NOD1: variants seen among roughly 807,000 people sequenced by gnomAD.
NOD1 encodes the protein nucleotide binding oligomerization domain containing 1.
In NOD1, 70 loss-of-function variants were observed where a neutral mutation model predicts 81.2. The ratio of observed to expected loss-of-function variants is 0.86; its 90% CI spans 0.71 to 1.05. NOD1 has a LOEUF of 1.05. Ranked by LOEUF, NOD1 falls within the 50% of genes least tolerant of loss-of-function variation. The probability of loss-of-function intolerance (pLI) is 0.00; values close to 1 mark genes in which losing one functional copy is unlikely to be tolerated. For synonymous variants in NOD1, 508 were observed against 526.9 expected, an observed-to-expected ratio of 0.96 and a Z score of 0.49; for missense variants, 1,233 against 1,228.0, an observed-to-expected ratio of 1.00 and a Z score of -0.06.
chr7:30,433,037 T>C (rs955188691), intron 12 of NOD1, 59 bp downstream of exon 12: 2 of 1,309,244 alleles, frequency 1.5e-6, no homozygotes, highest in Admixed American at 3.6e-5. Context: ...GTAAATTTTA[T>C]CTCAAAAAAT....
Position 30,456,979 on chromosome 7 carries a change from T to C in NOD1, c.-58A>G. The C allele has an allele frequency of 6.9e-7, 1 of 1,450,550 alleles. No homozygotes were observed. Among genetic ancestry groups the C allele is most frequent in the Non-Finnish European group, 9.7e-7 (1 of 1,032,652 alleles). 89.9% of individuals were successfully genotyped at this position (1,450,550 alleles called of 1,614,324 possible). ...TTCATCTTCAGCTGCGTGTGTCCTC[T>C]CAGCAGAAGGGCAATCAGGATTCAG... On this transcript the variant is annotated 5_prime_UTR_variant, in exon 4 of 14. Coordinates refer to ENST00000222823, the MANE Select transcript of NOD1 (RefSeq NM_006092.4).
intron 1 of NOD1, among the ~76,000 whole-genome samples, chr7:30,472,086 A>C (rs1473195275): frequency 6.6e-6 from 1 of 152,248 alleles, no homozygotes; most frequent in East Asian, 1.9e-4. Flanking sequence ...TATCTGAATA[A>C]ATAGAAGTGA....
intron 1 of NOD1, among the ~76,000 whole-genome samples, chr7:30,466,079 C>A (rs953373505): frequency 6.6e-6 from 1 of 152,162 alleles, no homozygotes; most frequent in African/African-American, 2.4e-5. Context: ...CAGGAAAAGG[C>A]CAGTGATTTT....
At chr7:30,450,108 C>T (rs1159304026) in intron 6 of NOD1, among the ~76,000 whole-genome samples, 3 of 152,120 alleles carry the variant, frequency 2.0e-5, no homozygotes, top group East Asian at 1.9e-4. Flanking sequence ...GCAAGAGAAT[C>T]GCTTGAACCC....
At chr7:30,446,450 G>A (rs1785095471) in intron 8 of NOD1, 2 of 552,968 alleles carry the variant, frequency 3.6e-6, no homozygotes, top group Non-Finnish European at 6.5e-6. Context: ...AGTCTCTGCA[G>A]AAGCTCAGGG....
At chr7:30,454,026 T>C (rs1583781462) in intron 5 of NOD1, among the ~76,000 whole-genome samples, 1 of 152,326 alleles carries the variant, frequency 6.6e-6, no homozygotes, top group Middle Eastern at 3.4e-3. Flanking sequence ...CTTTCTTTTT[T>C]TTTCATGGGG....
Position 30,467,069 on chromosome 7 carries a change from A to C in NOD1, c.-351-7028T>G, listed in dbSNP as rs921842180. 4.6e-5 allele frequency among the ~76,000 whole-genome samples: 7 copies of C among 152,184 alleles called. No individual in the cohort carries two copies. The highest frequency in any genetic ancestry group is 4.6e-4 in the Admixed American group (7 of 15,274). ...CCAGTGATGAAAAAGAACACGGTGG[A>C]GCTGCATGTACTGACATAGAAAGAG... On this transcript the variant is annotated intron_variant, in intron 1 of 13. Transcript: ENST00000222823. The surrounding 1 kb of genome is among the most constrained non-coding windows in gnomAD (Gnocchi z 4.5).
chr7:30,431,244 G>A (rs546798251), intron 12 of NOD1, among the ~76,000 whole-genome samples: 73 of 152,286 alleles, frequency 4.8e-4, no homozygotes, highest in South Asian at 4.1e-4. Flanking sequence ...AATTCTGCAG[G>A]CTAAAAAGGA....
At chr7:30,436,222 AGCTGCAGCAGTAGTGCCCAGGC>A (rs2128005376) in intron 10 of NOD1, 141 bp from the exon 11 acceptor site, 1 of 656,290 alleles carries the variant, frequency 1.5e-6, no homozygotes, top group East Asian at 2.7e-5. Flanking sequence ...AGAAGTGTTC[AGCTGCAGCAGTAGTGCCCAGGC>A]GCTGCTGCCC....
intron 1 of NOD1, among the ~76,000 whole-genome samples, chr7:30,476,267 A>G (rs912867935): frequency 2.6e-5 from 4 of 152,218 alleles, no homozygotes; most frequent in Non-Finnish European, 5.9e-5. Context: ...TCACACATAC[A>G]CTAGAAAAAC....
chr7:30,462,415 G>A (rs1302539899), intron 1 of NOD1, among the ~76,000 whole-genome samples: 1 of 149,068 alleles, frequency 6.7e-6, no homozygotes, highest in Non-Finnish European at 1.5e-5. Context: ...AAGAATCAGG[G>A]GTTCTGATGG....
At chr7:30,458,700 T>C (rs1786666571) in intron 3 of NOD1, among the ~76,000 whole-genome samples, 1 of 152,120 alleles carries the variant, frequency 6.6e-6, no homozygotes, top group Non-Finnish European at 1.5e-5. Context: ...ATATTAGTTA[T>C]TGTTCCAATA....
At chr7:30,470,725 C>A (rs1788190670) in intron 1 of NOD1, among the ~76,000 whole-genome samples, 1 of 152,156 alleles carries the variant, frequency 6.6e-6, no homozygotes, top group Non-Finnish European at 1.5e-5. Context: ...TGGTTTTATC[C>A]AGGCTTTGAA....
At chr7:30,465,311 G>A (rs1787574041) in intron 1 of NOD1, among the ~76,000 whole-genome samples, 1 of 152,206 alleles carries the variant, frequency 6.6e-6, no homozygotes, top group South Asian at 2.1e-4. Context: ...GCCCACAGCT[G>A]AGGCCACCAG....
intron 9 of NOD1, among the ~76,000 whole-genome samples, chr7:30,445,507 C>T (rs984062409): frequency 4.0e-5 from 6 of 151,820 alleles, no homozygotes; most frequent in Non-Finnish European, 8.8e-5. Context: ...GCCTATAATC[C>T]TGACACTTTG....
chr7:30,473,572 TAA>T (rs1788486272), intron 1 of NOD1, among the ~76,000 whole-genome samples: 1 of 152,216 alleles, frequency 6.6e-6, no homozygotes, highest in South Asian at 2.1e-4. Flanking sequence ...CAGTTGATAT[TAA>T]CCAGCCTAAG....
Position 30,451,598 on chromosome 7 carries a change from G to GA in NOD1, c.1818dup (p.Leu607SerfsTer136). 6.2e-7 allele frequency: 1 copy of GA among 1,613,866 alleles called. No individual in the cohort carries two copies. Among genetic ancestry groups the GA allele is most frequent in the Non-Finnish European group, 8.5e-7 (1 of 1,180,012 alleles). On this transcript the variant is annotated frameshift_variant, in exon 6 of 14. Transcript: ENST00000222823. LOFTEE classifies it high-confidence loss of function. The surrounding 1 kb of genome is among the most constrained non-coding windows in gnomAD (Gnocchi z 4.2). The stretch of plus-strand genomic sequence containing the variant: ...CTCCTCAGGGCTGCCGCGGGCACCA[G>GA]ATGCCGCAGGAGTTTCTGTTTGGCT...
intron 6 of NOD1, among the ~76,000 whole-genome samples, chr7:30,448,890 T>TC (rs1453071860): frequency 6.6e-6 from 1 of 152,074 alleles, no homozygotes; most frequent in Non-Finnish European, 1.5e-5. Flanking sequence ...GCCAACAGCT[T>TC]CCCCCCATCC....
In NOD1 at chr7:30,478,272, G is replaced by C. The variant is rs973719813; in HGVS notation, c.-352+334C>G. Among the ~76,000 whole-genome samples, 1 of 152,138 alleles carries C rather than the reference G, an allele frequency of 6.6e-6. No individual in the cohort carries two copies. Among genetic ancestry groups the C allele is most frequent in the Admixed American group, 6.5e-5 (1 of 15,276 alleles). On this transcript the variant is annotated intron_variant, in intron 1 of 13. Coordinates refer to ENST00000222823, the MANE Select transcript of NOD1 (RefSeq NM_006092.4). This position sits in a 1 kb window ranked among gnomAD's most constrained non-coding sequence, Gnocchi z 4.1. ...GATACGGAGGCCTGGGTCTGACTCC[G>C]TGAGATTCTGATGGAATTGATCTAG...
Sources: allele counts gnomAD v4.1 joint callset (sites outside exome capture counted in the v4.1 genomes callset), GRCh38; gene constraint gnomAD v4.1.1; non-coding constraint Gnocchi (gnomAD v3.1); transcripts MANE v1.5; gene names NCBI Gene and HGNC (gene_info 2026-07-23, HGNC 2026-07-21).